Variants in GALNT10 observed in about 807,000 individuals in gnomAD.
GALNT10 encodes the protein GalNAc transferase 10.
In GALNT10, 41 loss-of-function variants were observed where a neutral mutation model predicts 75.0. The observed-to-expected ratio is 0.55, with a 90% CI of 0.43 to 0.71. The LOEUF (loss-of-function observed/expected upper bound fraction) is 0.71, where lower values mean the gene tolerates loss of function less well. Among genes scored for constraint, GALNT10 ranks in the 30% least tolerant of loss-of-function variants. GALNT10 has a pLI of 0.00. For missense variants in GALNT10, 727 were observed against 818.5 expected, an observed-to-expected ratio of 0.89 and a Z score of 1.36; for synonymous variants, 302 against 313.0, an observed-to-expected ratio of 0.96 and a Z score of 0.37.
intron 1 of GALNT10, among the ~76,000 whole-genome samples, chr5:154,255,279 T>A (rs1215074125): frequency 6.6e-6 from 1 of 151,966 alleles, no homozygotes; most frequent in African/African-American, 2.4e-5. Flanking sequence ...ATCCCTCAAT[T>A]ATGTGAGGGA....
chr5:154,274,899 T>C (rs1305855299), intron 1 of GALNT10, among the ~76,000 whole-genome samples: 1 of 152,152 alleles, frequency 6.6e-6, no homozygotes, highest in Non-Finnish European at 1.5e-5. Context: ...ATGCATGCAC[T>C]CGCCTCTCCC....
intron 1 of GALNT10, among the ~76,000 whole-genome samples, chr5:154,211,099 A>T (rs1252671064): frequency 6.6e-6 from 1 of 152,244 alleles, no homozygotes; most frequent in Non-Finnish European, 1.5e-5. Context: ...AAAGTTTTTT[A>T]AAAAATGAAT....
chr5:154,341,068 A>T (rs1755025628), intron 4 of GALNT10, among the ~76,000 whole-genome samples: 1 of 152,100 alleles, frequency 6.6e-6, no homozygotes, highest in African/African-American at 2.4e-5. Context: ...ATGAAAATGG[A>T]ATTTTTACAT....
intron 4 of GALNT10, among the ~76,000 whole-genome samples, chr5:154,366,191 T>C (rs535104254): frequency 5.5e-4 from 84 of 152,374 alleles, no homozygotes; most frequent in Non-Finnish European, 9.0e-4. Flanking sequence ...GCTTCTTCTC[T>C]GTCTTCTTGT....
At chr5:154,233,861 T>TG (rs1753203549) in intron 1 of GALNT10, among the ~76,000 whole-genome samples, 2 of 152,124 alleles carry the variant, frequency 1.3e-5, no homozygotes, top group Non-Finnish European at 2.9e-5. Context: ...GGGTTAGAAT[T>TG]GCTGTGGGTA....
chr5:154,205,298 TG>T (rs1775089841), intron 1 of GALNT10, among the ~76,000 whole-genome samples: 1 of 152,254 alleles, frequency 6.6e-6, no homozygotes, highest in Non-Finnish European at 1.5e-5. Flanking sequence ...GTGGTATCTC[TG>T]GATGAGGATC....
Position 154,385,323 on chromosome 5 carries a change from A to G in GALNT10, c.939-990A>G, listed in dbSNP as rs115448861. Reference sequence around the variant, plus strand: ...GCAGCATGACGTTTCCTCACTTAGCACGGTGCCAGGCGGACTTCCTGTTCC... The same window carrying G: ...GCAGCATGACGTTTCCTCACTTAGCGCGGTGCCAGGCGGACTTCCTGTTCC... On this transcript the variant is annotated intron_variant, in intron 6 of 11. Coordinates refer to ENST00000297107, the MANE Select transcript of GALNT10 (RefSeq NM_198321.4). 7.4e-3 allele frequency among the ~76,000 whole-genome samples: 1,127 copies of G among 152,196 alleles called. 10 individuals are homozygous for G. The highest frequency in any genetic ancestry group is 0.026 in the African/African-American group (1,064 of 41,528).
chr5:154,367,185 G>A (rs1755488850), intron 4 of GALNT10, among the ~76,000 whole-genome samples: 1 of 152,166 alleles, frequency 6.6e-6, no homozygotes, highest in South Asian at 2.1e-4. Context: ...ATTTGTTTCA[G>A]GTCATGATGT....
chr5:154,216,206 A>G (rs528922440), intron 1 of GALNT10, among the ~76,000 whole-genome samples: 126 of 152,274 alleles, frequency 8.3e-4, no homozygotes, highest in Admixed American at 2.9e-3. Flanking sequence ...CAGTGTTTAC[A>G]TTGTTTCAAA....
intron 1 of GALNT10, among the ~76,000 whole-genome samples, chr5:154,279,121 A>G (rs951044160): frequency 2.0e-5 from 3 of 152,174 alleles, no homozygotes; most frequent in East Asian, 1.9e-4. Flanking sequence ...GGAAACCACA[A>G]AAGTTTTTAA....
chr5:154,363,029 G>T (rs1755416408), intron 4 of GALNT10, among the ~76,000 whole-genome samples: 1 of 152,194 alleles, frequency 6.6e-6, no homozygotes, highest in Non-Finnish European at 1.5e-5. Context: ...TCAAAGTGGG[G>T]CTACCTCCCT....
At chr5:154,320,228 G>A (rs983527648) in intron 3 of GALNT10, among the ~76,000 whole-genome samples, 1 of 152,232 alleles carries the variant, frequency 6.6e-6, no homozygotes, top group Admixed American at 6.5e-5. Flanking sequence ...GTTCAGGGCT[G>A]TGATCCAAGC....
At position 154,409,884 on chromosome 5, in the gene GALNT10, T is replaced by A. The variant is rs937895810; in HGVS notation, c.1386+122T>A. ...GGAAAGGCGTGAATATAAAATCGTT[T>A]CCTTTCTTTCCTGGTCTCTCTCTAG... On this transcript the variant is annotated intron_variant, in intron 9 of 11. Transcript: ENST00000297107. This position sits in a 1 kb window ranked among gnomAD's most constrained non-coding sequence, Gnocchi z 4.5. The A allele has an allele frequency of 7.4e-6, 5 of 677,356 alleles. No individual in the cohort carries two copies. In the African/African-American group the frequency reaches 8.9e-5, roughly 12 times the overall value. The allele number at this position is 677,356 out of a possible 1,614,324, so 42.0% of individuals were successfully genotyped here. A position where few individuals can be genotyped will look rare whatever the true frequency, so the allele number is the denominator to read the frequency against.
At chr5:154,400,177 C>G (rs1265624240) in intron 7 of GALNT10, among the ~76,000 whole-genome samples, 1 of 152,154 alleles carries the variant, frequency 6.6e-6, no homozygotes, top group Non-Finnish European at 1.5e-5. Context: ...TCATCTTAAA[C>G]TAGCCGTAGC....
At chr5:154,243,887 G>A (rs1049646420) in intron 1 of GALNT10, among the ~76,000 whole-genome samples, 1 of 152,192 alleles carries the variant, frequency 6.6e-6, no homozygotes, top group African/African-American at 2.4e-5. Flanking sequence ...GCCACTGGTG[G>A]CTTAATAAGG....
chr5:154,242,971 T>C (rs573801415), intron 1 of GALNT10, among the ~76,000 whole-genome samples: 1 of 152,228 alleles, frequency 6.6e-6, no homozygotes, highest in East Asian at 1.9e-4. Context: ...TTCCTAAGAG[T>C]GTAGTAAGTC....
At chr5:154,279,314 T>G (rs570086559) in intron 1 of GALNT10, among the ~76,000 whole-genome samples, 80 of 150,764 alleles carry the variant, frequency 5.3e-4, no homozygotes, top group East Asian at 9.6e-4. Flanking sequence ...GTTTTTTTTT[T>G]TTTTTTGAGA....
chr5:154,298,551 T>C lies in GALNT10; in HGVS notation c.401+472T>C, dbSNP rs1353200911. Reference sequence around the variant, plus strand: ...TCTAACATTCTTTGAACCGGTACTATGTGCCAAACGCTTTATTTGTATCAT... The same window carrying C: ...TCTAACATTCTTTGAACCGGTACTACGTGCCAAACGCTTTATTTGTATCAT... On this transcript the variant is annotated intron_variant, in intron 3 of 11. Coordinates refer to ENST00000297107, the MANE Select transcript of GALNT10 (RefSeq NM_198321.4). This position sits in a 1 kb window ranked among gnomAD's most constrained non-coding sequence, Gnocchi z 4.1. 6.6e-6 allele frequency among the ~76,000 whole-genome samples: 1 copy of C among 152,244 alleles called. No individual in the cohort carries two copies. The highest frequency in any genetic ancestry group is 1.5e-5 in the Non-Finnish European group (1 of 68,040).
intron 1 of GALNT10, among the ~76,000 whole-genome samples, chr5:154,222,710 A>T (rs765186321): frequency 6.6e-6 from 1 of 152,238 alleles, no homozygotes; most frequent in Non-Finnish European, 1.5e-5. Flanking sequence ...ACATTCTGCC[A>T]TGAAGAGCAT....
Sources: allele counts gnomAD v4.1 joint callset (sites outside exome capture counted in the v4.1 genomes callset), GRCh38; gene constraint gnomAD v4.1.1; non-coding constraint Gnocchi (gnomAD v3.1); transcripts MANE v1.5; gene names NCBI Gene and HGNC (gene_info 2026-07-23, HGNC 2026-07-21).